The following TRA2A variants were observed in gnomAD, a reference collection of about 807,000 sequenced individuals.
TRA2A encodes transformer-2 protein homolog alpha.
In TRA2A, 31 loss-of-function variants were observed where a neutral mutation model predicts 45.7. That is an observed-to-expected ratio of 0.68 (90% CI 0.51 to 0.92). TRA2A has a LOEUF of 0.92. Among genes scored for constraint, TRA2A ranks in the 40% least tolerant of loss-of-function variants. TRA2A has a pLI of 0.00. For missense variants in TRA2A, 304 were observed against 367.5 expected, an observed-to-expected ratio of 0.83 and a Z score of 1.41; for synonymous variants, 132 against 126.2, an observed-to-expected ratio of 1.05 and a Z score of -0.31.
chr7:23,516,866 T>C (rs558196830), intron 2 of TRA2A, among the ~76,000 whole-genome samples: 35 of 151,940 alleles, frequency 2.3e-4, no homozygotes, highest in African/African-American at 8.4e-4. Flanking sequence ...TCCCAGCACT[T>C]TGGGAGGCCG....
Position 23,505,500 on chromosome 7 carries a change from TAAA to T in TRA2A, c.*56_*58del, listed in dbSNP as rs777556731. The T allele has an allele frequency of 5.7e-3, 1,978 of 344,832 alleles. No homozygotes were observed. The highest frequency in any genetic ancestry group is 0.012 in the South Asian group (258 of 22,320). 21.4% of individuals were successfully genotyped at this position (344,832 alleles called of 1,614,324 possible). ...CCACAGCTTGGGGAAATCTCAGAAT[TAAA>T]AAAAAAAAAAAAAAAAAGAGGAAAA... is the stretch of plus-strand genomic sequence containing the variant. On this transcript the variant is annotated 3_prime_UTR_variant, in exon 8 of 8. Transcript: ENST00000297071.
chr7:23,517,776 G>A (rs981968992), intron 2 of TRA2A, among the ~76,000 whole-genome samples: 5 of 151,464 alleles, frequency 3.3e-5, no homozygotes, highest in Non-Finnish European at 5.9e-5. Context: ...GCTGGGCGTG[G>A]TGGCGCACAC....
At chr7:23,516,831 C>T (rs539222093) in intron 2 of TRA2A, among the ~76,000 whole-genome samples, 247 of 152,182 alleles carry the variant, frequency 1.6e-3, no homozygotes, top group Non-Finnish European at 2.7e-3. Context: ...AAATCGTGGC[C>T]GGGTGCGGTG....
chr7:23,531,835 C>G lies in TRA2A; in HGVS notation c.-11G>C. ...CTCCACATCACTCATGTCGACGAGG[C>G]GCTCCCCAGAACTAAATAAGAGACA... On this transcript the variant is annotated 5_prime_UTR_variant, in exon 1 of 8. Transcript: ENST00000297071. The G allele has an allele frequency of 6.2e-7, 1 of 1,613,656 alleles. No individual in the cohort carries two copies. The highest frequency in any genetic ancestry group is 8.5e-7 in the Non-Finnish European group (1 of 1,180,008).
chr7:23,513,183 A>T, intron 3 of TRA2A, 101 bp from the exon 4 acceptor site: 4 of 767,096 alleles, frequency 5.2e-6, no homozygotes, highest in African/African-American at 1.8e-5. Context: ...CACAATAAAT[A>T]TATTGTTTCT....
intron 3 of TRA2A, among the ~76,000 whole-genome samples, chr7:23,513,788 G>C (rs376440671): frequency 1.1e-3 from 162 of 152,062 alleles, no homozygotes; most frequent in African/African-American, 3.6e-3. Flanking sequence ...TGTTGTGTCT[G>C]TTTTTTATTG....
chr7:23,529,665 A>C (rs1481443219), intron 1 of TRA2A, among the ~76,000 whole-genome samples: 1 of 152,254 alleles, frequency 6.6e-6, no homozygotes, highest in Admixed American at 6.5e-5. Flanking sequence ...AAAAACTAAA[A>C]GACGAAAAAT....
rs1428318714 is a variant in TRA2A at position 23,505,243 on chromosome 7, T to G, written c.*316A>C. 10 of 290,642 alleles carry G rather than the reference T, an allele frequency of 3.4e-5. No individual in the cohort carries two copies. Among genetic ancestry groups the G allele is most frequent in the Non-Finnish European group, 1.2e-5 (2 of 160,056 alleles). The allele number at this position is 290,642 out of a possible 1,614,324, so 18.0% of individuals were successfully genotyped here. On this transcript the variant is annotated 3_prime_UTR_variant, in exon 8 of 8. Coordinates refer to ENST00000297071, the MANE Select transcript of TRA2A (RefSeq NM_013293.5). ...CAAAAGAAGCTTTAAAAAGACAGTT[T>G]CTTTCCTTATTTGATTAGCTAGAAG...
intron 1 of TRA2A, 32 bp from the exon 2 acceptor site, chr7:23,521,872 T>C: frequency 6.2e-7 from 1 of 1,613,782 alleles, no homozygotes; most frequent in East Asian, 2.2e-5. Context: ...CAAATGGCAC[T>C]GGTCATGTAG....
At position 23,512,990 on chromosome 7, in the gene TRA2A, T is replaced by C. The variant is rs34328450; in HGVS notation, c.429A>G (p.Gly143=). Residue 143 remains glycine (G), a synonymous_variant, in exon 4 of 8, where the codon GGA becomes GGG. Coordinates refer to ENST00000297071, the MANE Select transcript of TRA2A (RefSeq NM_013293.5). ...RDLREVFSRY[G]PLSGVNVVYD... The stretch of plus-strand genomic sequence containing the variant: ...AAACCACATTGACACCACTCAATGG[T>C]CCATATCGAGAAAATACTTCACGAA... The C allele has an allele frequency of 1.2e-3, 1,917 of 1,613,646 alleles. 14 individuals are homozygous for C. The African/African-American group carries it at 0.023, about 19-fold the overall frequency.
intron 1 of TRA2A, among the ~76,000 whole-genome samples, chr7:23,529,154 T>A (rs1790461554): frequency 1.3e-5 from 2 of 152,242 alleles, no homozygotes; most frequent in African/African-American, 4.8e-5. Flanking sequence ...CGAATTTTAG[T>A]TGAAGCTGTA....
intron 4 of TRA2A, among the ~76,000 whole-genome samples, chr7:23,510,836 G>A (rs949640574): frequency 6.6e-6 from 1 of 151,112 alleles, no homozygotes; most frequent in Non-Finnish European, 1.5e-5. Flanking sequence ...TCACAAATAC[G>A]TAACAGTAAA....
chr7:23,525,923 A>C (rs1036803231), intron 1 of TRA2A, among the ~76,000 whole-genome samples: 1 of 152,172 alleles, frequency 6.6e-6, no homozygotes, highest in Non-Finnish European at 1.5e-5. Context: ...CTTTATTATC[A>C]AGATGACCCT....
intron 1 of TRA2A, chr7:23,522,427 A>G: frequency 8.0e-7 from 1 of 1,254,094 alleles, no homozygotes; most frequent in Non-Finnish European, 1.0e-6. Flanking sequence ...CTTCACGAAC[A>G]TTAACCTTAA....
Position 23,512,928 on chromosome 7 carries a change from A to C in TRA2A, c.491T>G (p.Phe164Cys). 1 of 1,613,658 alleles carries C rather than the reference A, an allele frequency of 6.2e-7. No individual in the cohort carries two copies. Among genetic ancestry groups the C allele is most frequent in the Non-Finnish European group, 8.5e-7 (1 of 1,179,848 alleles). The change falls in exon 4 of 8, where the codon TTT becomes TGT. Residue 164 changes from phenylalanine to cysteine, a missense_variant. Physicochemically the swap from Phe to Cys is radical, Grantham distance 205 (BLOSUM62 -2). This residue lies in a region of TRA2A where 130 missense variants were observed against 217.1 expected (regional missense o/e 0.60). Coordinates refer to ENST00000297071, the MANE Select transcript of TRA2A (RefSeq NM_013293.5). ...GTCATCTATTCTCTCAAAATACACA[A>C]AAGCAAATCCTCGAGATCGCCCAGT... ...QRTGRSRGFA[F>C]VYFERIDDSK...
At chr7:23,508,475 A>G (rs1026663905) in intron 4 of TRA2A, among the ~76,000 whole-genome samples, 2 of 151,980 alleles carry the variant, frequency 1.3e-5, no homozygotes, top group African/African-American at 4.8e-5. Flanking sequence ...TCTAAACAGT[A>G]TTCCATTCAA....
At chr7:23,506,418 G>T in intron 5 of TRA2A, 152 bp from the exon 6 acceptor site, 1 of 960,270 alleles carries the variant, frequency 1.0e-6, no homozygotes, top group Non-Finnish European at 1.5e-6. Flanking sequence ...TGACTCCCAT[G>T]GTATTCTGGT....
At chr7:23,508,988 T>C (rs1789468872) in intron 4 of TRA2A, among the ~76,000 whole-genome samples, 1 of 151,378 alleles carries the variant, frequency 6.6e-6, no homozygotes. Context: ...TCTGGGACAA[T>C]TTTTTTTTCC....
At chr7:23,526,845 A>G (rs1790360504) in intron 1 of TRA2A, among the ~76,000 whole-genome samples, 1 of 152,168 alleles carries the variant, frequency 6.6e-6, no homozygotes, top group Non-Finnish European at 1.5e-5. Flanking sequence ...ACATATTCTA[A>G]TTCTGTATGT....
Sources: allele counts gnomAD v4.1 joint callset (sites outside exome capture counted in the v4.1 genomes callset), GRCh38; gene constraint gnomAD v4.1.1; regional missense constraint gnomAD v4.1.1; transcripts MANE v1.5; gene names NCBI Gene and HGNC (gene_info 2026-07-23, HGNC 2026-07-21).